The following VTI1A variants were observed in gnomAD, a reference collection of about 807,000 sequenced individuals.
VTI1A encodes the protein vesicle transport through interaction with t-SNAREs 1A.
Under a neutral mutation model 34.9 loss-of-function variants are expected in VTI1A, and 22 were observed. The observed-to-expected ratio is 0.63, with a 90% CI of 0.45 to 0.90. The LOEUF is 0.90. Among genes scored for constraint, VTI1A ranks in the 40% least tolerant of loss-of-function variants. The pLI, the probability that VTI1A is intolerant of heterozygous loss-of-function variation, is 0.00. For synonymous variants in VTI1A, 87 were observed against 97.3 expected (o/e 0.89, Z 0.62); for missense variants, 268 against 275.6 (o/e 0.97, Z 0.20).
At chr10:112,517,112 C>G (rs1414451820) in intron 3 of VTI1A, among the ~76,000 whole-genome samples, 1 of 151,746 alleles carries the variant, frequency 6.6e-6, no homozygotes, top group East Asian at 1.9e-4. Flanking sequence ...ATGGGCAGAT[C>G]GTGAGAGAAG....
chr10:112,520,906 G>C (rs1850002761), intron 3 of VTI1A, among the ~76,000 whole-genome samples: 1 of 151,716 alleles, frequency 6.6e-6, no homozygotes, highest in Non-Finnish European at 1.5e-5. Context: ...TTCTGGTGTT[G>C]CATACTAAAG....
intron 7 of VTI1A, among the ~76,000 whole-genome samples, chr10:112,713,667 T>C (rs947728281): frequency 6.6e-6 from 1 of 152,180 alleles, no homozygotes; most frequent in Non-Finnish European, 1.5e-5. Context: ...TGTAAGTAAT[T>C]ATACATAGTC....
intron 2 of VTI1A, 126 bp from the exon 3 acceptor site, chr10:112,464,421 A>G (rs1847830333): frequency 1.3e-6 from 1 of 749,902 alleles, no homozygotes; most frequent in Non-Finnish European, 2.2e-6. Context: ...TTGATCATTC[A>G]GCACCCTGAA....
chr10:112,667,715 T>C (rs914993870), intron 5 of VTI1A, among the ~76,000 whole-genome samples: 1 of 152,142 alleles, frequency 6.6e-6, no homozygotes, highest in Non-Finnish European at 1.5e-5. Context: ...AGCCTAGAGA[T>C]AGTTCACTAC....
intron 7 of VTI1A, among the ~76,000 whole-genome samples, chr10:112,715,028 G>A (rs1391035971): frequency 1.3e-5 from 2 of 152,028 alleles, no homozygotes; most frequent in African/African-American, 4.8e-5. Flanking sequence ...CTTTTAAGTT[G>A]TACCCCTAAC....
intron 5 of VTI1A, among the ~76,000 whole-genome samples, chr10:112,567,137 C>G (rs1851933247): frequency 6.6e-6 from 1 of 151,996 alleles, no homozygotes; most frequent in Non-Finnish European, 1.5e-5. Context: ...TCAGGTAACC[C>G]ACCTAGTTCA....
rs1590211898 is a variant in VTI1A at position 112,815,486 on chromosome 10, A to C, written c.*103A>C. ...CTGTTGCGCTGACAGGCCCCAGGTG[A>C]CCCTCTCTCTCCCTCACCGCCGTTG... On this transcript the variant is annotated 3_prime_UTR_variant, in exon 8 of 8. Coordinates refer to ENST00000393077, the MANE Select transcript of VTI1A (RefSeq NM_145206.4). 1.0e-6 allele frequency: 1 copy of C among 997,284 alleles called. No homozygotes were observed. Among genetic ancestry groups the C allele is most frequent in the African/African-American group, 1.6e-5 (1 of 62,654 alleles). The allele number at this position is 997,284 out of a possible 1,614,324, so 61.8% of individuals were successfully genotyped here. A position where few individuals can be genotyped will look rare whatever the true frequency, so the allele number is the denominator to read the frequency against.
intron 5 of VTI1A, chr10:112,538,596 T>C (rs547259994): frequency 1.1e-5 from 4 of 358,240 alleles, no homozygotes; most frequent in African/African-American, 8.5e-5. Flanking sequence ...TTTGTCTTAA[T>C]ATGCAGTTAC....
At chr10:112,482,029 A>C (rs559791399) in intron 3 of VTI1A, among the ~76,000 whole-genome samples, 2 of 152,362 alleles carry the variant, frequency 1.3e-5, no homozygotes, top group East Asian at 1.9e-4. Context: ...TTGAATGATC[A>C]TCATATCAAG....
chr10:112,729,901 C>A (rs1359850659), intron 7 of VTI1A, among the ~76,000 whole-genome samples: 1 of 152,220 alleles, frequency 6.6e-6, no homozygotes, highest in Non-Finnish European at 1.5e-5. Flanking sequence ...GTTCTACCAG[C>A]CCTCTTTGTG....
At chr10:112,846,635 G>A in the VTI1A span, among the ~76,000 whole-genome samples, 4 of 151,988 alleles carry the variant, frequency 2.6e-5, no homozygotes, top group South Asian at 2.1e-4. Context: ...ACATGGTGGC[G>A]GGCACCTGTA....
chr10:112,538,192 AAAG>A, intron 4 of VTI1A, 51 bp from the exon 5 acceptor site: 1 of 1,545,398 alleles, frequency 6.5e-7, no homozygotes, highest in Non-Finnish European at 8.9e-7. Context: ...AAGGCAAAAA[AAAG>A]AACATTGTAG....
rs371528587 is a variant in VTI1A, at chr10:112,740,519, A to G, written c.560+71521A>G. The stretch of plus-strand genomic sequence containing the variant: ...AGGGTGGTCTCGAACTCCTGACCTC[A>G]AGTGATCTGCCTGCTTTGGCCTCCC... On this transcript the variant is annotated intron_variant, in intron 7 of 7. Coordinates refer to ENST00000393077, the MANE Select transcript of VTI1A (RefSeq NM_145206.4). Among the ~76,000 whole-genome samples the G allele has an allele frequency of 3.9e-5, 6 of 152,352 alleles. No individual in the cohort carries two copies. The East Asian group carries it at 9.6e-4, about 25-fold the overall frequency.
chr10:112,484,351 A>G (rs1361956065), intron 3 of VTI1A, among the ~76,000 whole-genome samples: 6 of 152,258 alleles, frequency 3.9e-5, no homozygotes, highest in Non-Finnish European at 8.8e-5. Flanking sequence ...ATTGCTTTAA[A>G]TCTATTCTAT....
intron 7 of VTI1A, among the ~76,000 whole-genome samples, chr10:112,730,312 T>C (rs978376864): frequency 6.6e-6 from 1 of 152,216 alleles, no homozygotes; most frequent in African/African-American, 2.4e-5. Context: ...CTGGTGAGAA[T>C]GTGTCTTCAG....
At chr10:112,627,635 A>G (rs1285803801) in intron 5 of VTI1A, among the ~76,000 whole-genome samples, 6 of 152,130 alleles carry the variant, frequency 3.9e-5, no homozygotes, top group Admixed American at 2.6e-4. Context: ...ATATGTGTCA[A>G]TATATATGCA....
At chr10:112,493,795 C>G (rs759905416) in intron 3 of VTI1A, among the ~76,000 whole-genome samples, 1 of 152,076 alleles carries the variant, frequency 6.6e-6, no homozygotes, top group Non-Finnish European at 1.5e-5. Context: ...AAACCAGCCT[C>G]GTATTCGTAG....
chr10:112,592,254 A>G (rs572507249), intron 5 of VTI1A, among the ~76,000 whole-genome samples: 1 of 152,340 alleles, frequency 6.6e-6, no homozygotes, highest in Admixed American at 6.5e-5. Context: ...AGCAGTGCCC[A>G]CCAGACTTCT....
At chr10:112,553,703 G>A (rs1359107856) in intron 5 of VTI1A, among the ~76,000 whole-genome samples, 1 of 152,180 alleles carries the variant, frequency 6.6e-6, no homozygotes, top group Non-Finnish European at 1.5e-5. Context: ...AGTGGAGAAG[G>A]TATACCCACT....
Sources: gnomAD v4.1 joint callset for allele counts (sites outside exome capture counted in the v4.1 genomes callset) on GRCh38, gnomAD v4.1.1 for gene constraint, MANE v1.5 for transcripts, NCBI Gene and HGNC (gene_info 2026-07-23, HGNC 2026-07-21) for gene names.